Variants in RASAL2 observed in about 807,000 individuals in gnomAD.
RASAL2 encodes the protein RAS protein activator like 2.
In RASAL2, 58 loss-of-function variants were observed where a neutral mutation model predicts 128.9. The ratio of observed to expected loss-of-function variants is 0.45; its 90% CI spans 0.36 to 0.56. The LOEUF is 0.56. Among genes scored for constraint, RASAL2 ranks in the 20% least tolerant of loss-of-function variants. The pLI, the probability that RASAL2 is intolerant of heterozygous loss-of-function variation, is 0.00. For synonymous variants in RASAL2, 561 were observed against 580.8 expected, an observed-to-expected ratio of 0.97 and a Z score of 0.49; for missense variants, 1,360 against 1,601.6, an observed-to-expected ratio of 0.85 and a Z score of 2.57.
At chr1:178,371,819 G>A (rs1671733512) in intron 3 of RASAL2, among the ~76,000 whole-genome samples, 1 of 152,116 alleles carries the variant, frequency 6.6e-6, no homozygotes, top group South Asian at 2.1e-4. Context: ...TAGCTATTGT[G>A]CTGTCTGGTT....
At chr1:178,181,154 G>A (rs890413736) in intron 1 of RASAL2, among the ~76,000 whole-genome samples, 11 of 151,542 alleles carry the variant, frequency 7.3e-5, no homozygotes, top group Admixed American at 6.6e-4. Flanking sequence ...TGTTACTAAC[G>A]TTTTTATGAT....
At chr1:178,283,726 T>G in intron 2 of RASAL2, 35 bp downstream of exon 2, 1 of 1,600,842 alleles carries the variant, frequency 6.2e-7, no homozygotes, top group Non-Finnish European at 8.5e-7. Context: ...GTTAGTTTCC[T>G]TTTCTGAGTA....
At chr1:178,390,290 C>A in intron 4 of RASAL2, 84 bp downstream of exon 4, 1 of 900,332 alleles carries the variant, frequency 1.1e-6, no homozygotes, top group Admixed American at 2.6e-5. Flanking sequence ...ACTAAGGAAT[C>A]CAAACATTCT....
chr1:178,355,365 G>T (rs894186186), intron 3 of RASAL2, among the ~76,000 whole-genome samples: 2 of 152,184 alleles, frequency 1.3e-5, no homozygotes, highest in Admixed American at 1.3e-4. Context: ...AATTGACACT[G>T]CAGAGTGGTG....
At chr1:178,393,230 T>A (rs1436268871) in intron 4 of RASAL2, among the ~76,000 whole-genome samples, 1 of 152,196 alleles carries the variant, frequency 6.6e-6, no homozygotes, top group African/African-American at 2.4e-5. Flanking sequence ...ATTGTGCACT[T>A]TATTTCTGTT....
chr1:178,216,236 A>T (rs1164563820), intron 1 of RASAL2, among the ~76,000 whole-genome samples: 2 of 152,218 alleles, frequency 1.3e-5, no homozygotes, highest in Non-Finnish European at 2.9e-5. Flanking sequence ...ATGAAGAGTT[A>T]TAAATCAGAT....
At chr1:178,168,940 T>G (rs1379424871) in intron 1 of RASAL2, among the ~76,000 whole-genome samples, 1 of 152,130 alleles carries the variant, frequency 6.6e-6, no homozygotes, top group Non-Finnish European at 1.5e-5. Flanking sequence ...ATTCATTTTT[T>G]AACTGCAAAA....
intron 4 of RASAL2, among the ~76,000 whole-genome samples, chr1:178,401,423 C>T (rs1432330029): frequency 6.6e-6 from 1 of 152,128 alleles, no homozygotes; most frequent in South Asian, 2.1e-4. Context: ...TCTTAGTTTG[C>T]TTCTCATTTA....
intron 3 of RASAL2, among the ~76,000 whole-genome samples, chr1:178,327,485 A>G (rs1333218411): frequency 6.6e-6 from 1 of 152,088 alleles, no homozygotes; most frequent in Non-Finnish European, 1.5e-5. Context: ...AGCTGGGACT[A>G]CAGGCACATA....
At chr1:178,344,756 T>G (rs1317190749) in intron 3 of RASAL2, among the ~76,000 whole-genome samples, 1 of 152,224 alleles carries the variant, frequency 6.6e-6, no homozygotes, top group Non-Finnish European at 1.5e-5. Flanking sequence ...GCATAAACTT[T>G]CTTAAAATAA....
At chr1:178,455,854 A>T (rs1256134556) in intron 12 of RASAL2, among the ~76,000 whole-genome samples, 1 of 152,208 alleles carries the variant, frequency 6.6e-6, no homozygotes, top group Admixed American at 6.5e-5. Context: ...TTCCCTAAAT[A>T]AAAAAATGAT....
At chr1:178,415,972 A>G (rs1183243858) in intron 4 of RASAL2, among the ~76,000 whole-genome samples, 2 of 152,004 alleles carry the variant, frequency 1.3e-5, no homozygotes, top group African/African-American at 4.8e-5. Context: ...AGTTTCTGGT[A>G]GATGATATAT....
chr1:178,285,781 A>G (rs924267587), intron 2 of RASAL2, among the ~76,000 whole-genome samples: 2 of 152,186 alleles, frequency 1.3e-5, no homozygotes, highest in African/African-American at 4.8e-5. Context: ...TAAACAAATC[A>G]TTTGCCATCT....
At chr1:178,286,806 G>A (rs1368940830) in intron 2 of RASAL2, among the ~76,000 whole-genome samples, 1 of 152,096 alleles carries the variant, frequency 6.6e-6, no homozygotes, top group Non-Finnish European at 1.5e-5. Flanking sequence ...AATTTTTTAC[G>A]ATTCTGATAT....
chr1:178,335,212 A>G (rs1174856654), intron 3 of RASAL2, among the ~76,000 whole-genome samples: 1 of 152,070 alleles, frequency 6.6e-6, no homozygotes, highest in Admixed American at 6.5e-5. Context: ...AATCAGGACC[A>G]TAATTTTCAA....
At chr1:178,360,227 A>G (rs910772452) in intron 3 of RASAL2, among the ~76,000 whole-genome samples, 9 of 152,216 alleles carry the variant, frequency 5.9e-5, no homozygotes, top group African/African-American at 2.2e-4. Flanking sequence ...CCCCTGCTCT[A>G]CCCTCTTCAA....
intron 3 of RASAL2, among the ~76,000 whole-genome samples, chr1:178,351,178 G>C (rs928632096): frequency 6.6e-6 from 1 of 152,100 alleles, no homozygotes; most frequent in Non-Finnish European, 1.5e-5. Context: ...CTCCCACCAG[G>C]CTCCATTTCC....
intron 3 of RASAL2, among the ~76,000 whole-genome samples, chr1:178,343,943 C>T (rs1346533796): frequency 6.6e-6 from 1 of 152,016 alleles, no homozygotes; most frequent in Admixed American, 6.5e-5. Flanking sequence ...AAGATCAAAT[C>T]AGTATACTTG....
At chr1:178,111,447 A>G (rs1659319582) in intron 1 of RASAL2, among the ~76,000 whole-genome samples, 1 of 152,140 alleles carries the variant, frequency 6.6e-6, no homozygotes, top group Non-Finnish European at 1.5e-5. Flanking sequence ...TTGTTTTCCT[A>G]AGTGGTTGTA....
Sources: gnomAD v4.1 joint callset for allele counts (sites outside exome capture counted in the v4.1 genomes callset) on GRCh38, gnomAD v4.1.1 for gene constraint, MANE v1.5 for transcripts, NCBI Gene and HGNC (gene_info 2026-07-23, HGNC 2026-07-21) for gene names.